Variants in BEAN1 observed in about 807,000 individuals in gnomAD.
BEAN1 encodes protein BEAN1.
BEAN1 carries 17 observed loss-of-function variants against 17.7 expected under a neutral mutation model. The observed-to-expected ratio is 0.96, with a 90% CI of 0.66 to 1.44. The LOEUF is 1.44. Ranked by LOEUF, BEAN1 falls within the 40% of genes most tolerant of loss-of-function variation. The probability of loss-of-function intolerance (pLI) is 0.00; values close to 1 mark genes in which losing one functional copy is unlikely to be tolerated. For missense variants in BEAN1, 359 were observed against 374.1 expected (o/e 0.96, Z 0.33); for synonymous variants, 142 against 151.8 (o/e 0.94, Z 0.47).
chr16:66,458,395 A>C (rs964705924), intron 2 of BEAN1, among the ~76,000 whole-genome samples: 2 of 152,136 alleles, frequency 1.3e-5, no homozygotes, highest in East Asian at 3.9e-4. Context: ...ACAGGCCTGG[A>C]TCTCATTCCC....
chr16:66,494,345 T>G (rs1405810641), downstream of BEAN1, among the ~76,000 whole-genome samples: 1 of 152,150 alleles, frequency 6.6e-6, no homozygotes, highest in Non-Finnish European at 1.5e-5. Context: ...TGTGTGACCT[T>G]GGGCAACTCA....
At position 66,492,421 on chromosome 16, in the gene BEAN1, G is replaced by A. The variant is rs145237023; in HGVS notation, c.148-541G>A. Among the ~76,000 whole-genome samples the A allele has an allele frequency of 2.1e-3, 316 of 151,846 alleles. 3 individuals are homozygous for A. The highest frequency in any genetic ancestry group is 3.4e-3 in the Non-Finnish European group (231 of 67,922). ...CTGGGATACCTAGAGCCTTACCCCAGCTCAGTCACTCTCTTTTTGCGTTTT... is the reference window on the plus strand; with the variant it reads ...CTGGGATACCTAGAGCCTTACCCCAACTCAGTCACTCTCTTTTTGCGTTTT... On this transcript the variant is annotated intron_variant, in intron 4 of 4. Transcript: ENST00000561796.
At position 66,434,443 on chromosome 16, in the gene BEAN1, G is replaced by C. The variant is rs1344219502; in HGVS notation, c.-82-3152G>C. On this transcript the variant is annotated intron_variant, in intron 1 of 4. Transcript: ENST00000536005. This position sits in a 1 kb window ranked among gnomAD's most constrained non-coding sequence, Gnocchi z 4.3. The stretch of plus-strand genomic sequence containing the variant: ...CCACCAGGGAGTGGTTTTCTTCTGG[G>C]TCCTCCGGCAGAAATCCTGGAGTGG... 1.3e-5 allele frequency among the ~76,000 whole-genome samples: 2 copies of C among 152,142 alleles called. No homozygotes were observed. The highest frequency in any genetic ancestry group is 2.9e-5 in the Non-Finnish European group (2 of 68,024).
At chr16:66,431,384 T>C (rs1961792963) in intron 1 of BEAN1, among the ~76,000 whole-genome samples, 1 of 152,260 alleles carries the variant, frequency 6.6e-6, no homozygotes, top group Non-Finnish European at 1.5e-5. Context: ...AAAATGTTTT[T>C]TTGAGTCTTC....
At chr16:66,474,044 C>A (rs1963595019) in intron 3 of BEAN1, among the ~76,000 whole-genome samples, 1 of 152,182 alleles carries the variant, frequency 6.6e-6, no homozygotes, top group South Asian at 2.1e-4. Flanking sequence ...GTCCCCTGGA[C>A]ATCACCCTGT....
intron 3 of BEAN1, among the ~76,000 whole-genome samples, chr16:66,474,381 G>A (rs1224481018): frequency 1.3e-5 from 2 of 151,414 alleles, no homozygotes; most frequent in East Asian, 2.0e-4. Context: ...TCTCCACAAG[G>A]CAACCAAAGT....
chr16:66,431,102 A>G (rs1379863434), intron 1 of BEAN1, among the ~76,000 whole-genome samples: 1 of 152,232 alleles, frequency 6.6e-6, no homozygotes, highest in Non-Finnish European at 1.5e-5. Context: ...TTCAATGACA[A>G]GTAAATTAAA....
rs1963999140 is a variant in BEAN1, at chr16:66,481,910, G to C, written c.*985G>C. 6.5e-6 allele frequency: 1 copy of C among 152,724 alleles called. No individual in the cohort carries two copies. The highest frequency in any genetic ancestry group is 2.4e-5 in the African/African-American group (1 of 41,482). 9.5% of individuals were successfully genotyped at this position (152,724 alleles called of 1,614,324 possible). On this transcript the variant is annotated 3_prime_UTR_variant, in exon 5 of 5. Transcript: ENST00000536005. The surrounding 1 kb of genome is among the most constrained non-coding windows in gnomAD (Gnocchi z 4.1). Reference sequence around the variant, plus strand: ...CCCCGGAGCTGGTGCTGTCCTTCTAGGTGGCTGCTCATAGCTGGGGATGGT... The same window carrying C: ...CCCCGGAGCTGGTGCTGTCCTTCTACGTGGCTGCTCATAGCTGGGGATGGT...
intron 2 of BEAN1, among the ~76,000 whole-genome samples, chr16:66,457,891 A>G (rs970307975): frequency 6.6e-6 from 1 of 151,198 alleles, no homozygotes; most frequent in African/African-American, 2.4e-5. Flanking sequence ...TGCTTAGAGG[A>G]TGGGATCAGC....
At chr16:66,492,073 G>A (rs958146708) in intron 4 of BEAN1, among the ~76,000 whole-genome samples, 11 of 152,058 alleles carry the variant, frequency 7.2e-5, no homozygotes, top group Admixed American at 4.6e-4. Flanking sequence ...ACAGAGTCTT[G>A]CTCTGTCACC....
At chr16:66,445,721 A>C (rs1002465970) in intron 2 of BEAN1, among the ~76,000 whole-genome samples, 2 of 152,070 alleles carry the variant, frequency 1.3e-5, no homozygotes, top group African/African-American at 4.8e-5. Flanking sequence ...AAGGTACCAG[A>C]GGCAGTAGGG....
rs2142471909 is a variant in BEAN1, at chr16:66,481,125, T to C, written c.*200T>C. The C allele has an allele frequency of 2.1e-6, 1 of 472,282 alleles. No individual in the cohort carries two copies. Among genetic ancestry groups the C allele is most frequent in the Non-Finnish European group, 3.7e-6 (1 of 273,706 alleles). 29.3% of individuals were successfully genotyped at this position (472,282 alleles called of 1,614,324 possible). A position where few individuals can be genotyped will look rare whatever the true frequency, so the allele number is the denominator to read the frequency against. ...TAGACGTGCTCCACATATGTGTGAATATGCGCACATACAGGCCTACCACAA... is the reference window on the plus strand; with the variant it reads ...TAGACGTGCTCCACATATGTGTGAACATGCGCACATACAGGCCTACCACAA... On this transcript the variant is annotated 3_prime_UTR_variant, in exon 5 of 5. Transcript: ENST00000536005. This position sits in a 1 kb window ranked among gnomAD's most constrained non-coding sequence, Gnocchi z 4.1.
In BEAN1 at chr16:66,446,740, C is replaced by A. The variant is rs527754926; in HGVS notation, c.25+9039C>A. Among the ~76,000 whole-genome samples, 28 of 152,214 alleles carry A rather than the reference C, an allele frequency of 1.8e-4. 2 individuals carry two copies. The South Asian group carries it at 3.9e-3, about 21-fold the overall frequency. On this transcript the variant is annotated intron_variant, in intron 2 of 4. Transcript: ENST00000536005. The stretch of plus-strand genomic sequence containing the variant: ...GAAGTCTTGCCAGGGAAAGCAAGAT[C>A]CCCTGGGGTCGTCACCCATGGCACC...
At chr16:66,441,773 A>C (rs1444709783) in intron 2 of BEAN1, among the ~76,000 whole-genome samples, 2 of 152,146 alleles carry the variant, frequency 1.3e-5, no homozygotes, top group East Asian at 3.9e-4. Context: ...GCCAGCTTCC[A>C]TGGCTGCAGG....
rs61540693 is a variant in BEAN1, at chr16:66,445,475, C to CAAAAAAA, written c.25+7808_25+7814dup. 6.1e-4 allele frequency among the ~76,000 whole-genome samples: 30 copies of CAAAAAAA among 49,326 alleles called. 2 individuals carry two copies. Among genetic ancestry groups the CAAAAAAA allele is most frequent in the East Asian group, 8.7e-4 (1 of 1,150 alleles). 32.4% of individuals were successfully genotyped at this position (49,326 alleles called of 152,430 possible). On this transcript the variant is annotated intron_variant, in intron 2 of 4. Coordinates refer to ENST00000536005, the MANE Select transcript of BEAN1 (RefSeq NM_001178020.3). ...TGGGCAAGAGAGTGAGACTCCGTCT[C>CAAAAAAA]AAAAAAAAAAAAAAAAAAAAAAAAA...
intron 1 of BEAN1, among the ~76,000 whole-genome samples, chr16:66,432,682 C>T (rs1596970165): frequency 6.6e-6 from 1 of 152,228 alleles, no homozygotes; most frequent in African/African-American, 2.4e-5. Context: ...ATCTGCCGGT[C>T]ACCCAGGCAG....
intron 4 of BEAN1, among the ~76,000 whole-genome samples, chr16:66,492,365 C>G (rs964122324): frequency 1.3e-5 from 2 of 151,772 alleles, no homozygotes; most frequent in African/African-American, 4.8e-5. Context: ...TAATTTCTTC[C>G]TGCTCCAGGC....
intron 4 of BEAN1, among the ~76,000 whole-genome samples, chr16:66,479,396 C>T (rs1251530653): frequency 1.3e-5 from 2 of 152,110 alleles, no homozygotes; most frequent in Non-Finnish European, 2.9e-5. Context: ...CGAGGGGATG[C>T]CCCAGCTGCA....
At chr16:66,433,424 A>C (rs904059966) in intron 1 of BEAN1, among the ~76,000 whole-genome samples, 1 of 152,104 alleles carries the variant, frequency 6.6e-6, no homozygotes. Context: ...GACTTTCAAT[A>C]AACACTTGAA....
Sources: allele counts gnomAD v4.1 joint callset (sites outside exome capture counted in the v4.1 genomes callset), GRCh38; gene constraint gnomAD v4.1.1; non-coding constraint Gnocchi (gnomAD v3.1); transcripts MANE v1.5; gene names NCBI Gene and HGNC (gene_info 2026-07-23, HGNC 2026-07-21).